The following TENT5D variants were observed in gnomAD, a reference collection of about 807,000 sequenced individuals.
TENT5D encodes cancer/testis antigen 112.
For missense variants in TENT5D, 191 were observed against 287.0 expected, an observed-to-expected ratio of 0.67 and a Z score of 2.42; for synonymous variants, 103 against 100.6, an observed-to-expected ratio of 1.02 and a Z score of -0.15.
At chrX:80,356,092 A>G (rs910007733) in intron 3 of TENT5D, among the ~76,000 whole-genome samples, 1 of 112,007 alleles carries the variant, frequency 8.9e-6, no homozygotes, top group Non-Finnish European at 1.9e-5. Flanking sequence ...TTACTTTTTT[A>G]TATTAGAGCT....
chrX:80,368,538 T>A (rs1370067021), intron 3 of TENT5D, among the ~76,000 whole-genome samples: 1 of 111,856 alleles, frequency 8.9e-6, no homozygotes, highest in Non-Finnish European at 1.9e-5. Flanking sequence ...CTCGTAGGTA[T>A]TTGAGAATTA....
intron 3 of TENT5D, among the ~76,000 whole-genome samples, chrX:80,411,209 C>G (rs1478604690): frequency 9.3e-6 from 1 of 107,812 alleles, no homozygotes; most frequent in African/African-American, 3.4e-5. Flanking sequence ...CTAACCTGCA[C>G]AATGTGCACA....
intron 3 of TENT5D, among the ~76,000 whole-genome samples, chrX:80,370,288 T>G (rs1930598685): frequency 9.0e-6 from 1 of 110,964 alleles, no homozygotes; most frequent in South Asian, 3.7e-4. Context: ...ACAGCCAAAT[T>G]GTTTGCATTC....
At chrX:80,432,204 A>G (rs1253277885) in intron 1 of TENT5D, among the ~76,000 whole-genome samples, 1 of 111,624 alleles carries the variant, frequency 9.0e-6, no homozygotes, top group East Asian at 2.8e-4. Context: ...ATAGAAAAAG[A>G]CTGGAAGTCC....
chrX:80,357,851 T>G (rs901933121), intron 3 of TENT5D, among the ~76,000 whole-genome samples: 1 of 111,438 alleles, frequency 9.0e-6, no homozygotes, highest in African/African-American at 3.3e-5. Flanking sequence ...GAGCCTGCAT[T>G]GCCAAGTCAA....
Position 80,408,670 on chromosome X carries a change from G to C in TENT5D, c.-141-29940G>C, listed in dbSNP as rs372386623. On this transcript the variant is annotated intron_variant, in intron 3 of 4. Transcript: ENST00000538312. ...TCACAGCCGAATTCTACCAGAGGTA[G>C]AAGGAGGAACTGGTACCATTCCTTC... Among the ~76,000 whole-genome samples, 267 of 110,402 alleles carry C rather than the reference G, an allele frequency of 2.4e-3. 5 individuals are homozygous for C. Among genetic ancestry groups the C allele is most frequent in the Non-Finnish European group, 2.8e-3 (145 of 52,681 alleles).
At chrX:80,376,594 T>C (rs1261321703) in intron 3 of TENT5D, among the ~76,000 whole-genome samples, 1 of 111,654 alleles carries the variant, frequency 9.0e-6, no homozygotes, top group Non-Finnish European at 1.9e-5. Flanking sequence ...TCTCTATTGT[T>C]CATGTGCTGA....
intron 3 of TENT5D, among the ~76,000 whole-genome samples, chrX:80,382,176 C>A (rs1188604652): frequency 8.9e-6 from 1 of 111,906 alleles, no homozygotes; most frequent in African/African-American, 3.3e-5. Context: ...GATGCTATTC[C>A]TTTCTGTTTG....
intron 3 of TENT5D, among the ~76,000 whole-genome samples, chrX:80,411,855 G>A (rs1282088836): frequency 9.0e-6 from 1 of 111,408 alleles, no homozygotes; most frequent in Non-Finnish European, 1.9e-5. Context: ...CGAGGCACAT[G>A]GTGCAAACTG....
At chrX:80,415,825 C>G (rs1931761214), upstream of TENT5D, among the ~76,000 whole-genome samples, 2 of 111,816 alleles carry the variant, frequency 1.8e-5, no homozygotes, top group Non-Finnish European at 3.8e-5. Context: ...AGTTAGGGAA[C>G]AGCACCTCCT....
At chrX:80,411,418 A>G (rs576729251) in intron 3 of TENT5D, among the ~76,000 whole-genome samples, 2 of 111,762 alleles carry the variant, frequency 1.8e-5, no homozygotes, top group Admixed American at 9.4e-5. Flanking sequence ...TTTATCCTAG[A>G]CATTCGTCTT....
At chrX:80,384,655 T>A (rs748765674) in intron 3 of TENT5D, among the ~76,000 whole-genome samples, 1 of 101,676 alleles carries the variant, frequency 9.8e-6, no homozygotes, top group Admixed American at 1.1e-4. Context: ...GCATATGACA[T>A]GATTGTATAT....
chrX:80,397,062 T>G (rs2147542423), intron 3 of TENT5D, among the ~76,000 whole-genome samples: 1 of 84,861 alleles, frequency 1.2e-5, no homozygotes, highest in South Asian at 7.0e-4. Context: ...ACGGGGTGGC[T>G]GCCGGGCGGA....
intron 3 of TENT5D, among the ~76,000 whole-genome samples, chrX:80,373,858 C>T (rs765851261): frequency 9.0e-6 from 1 of 111,245 alleles, no homozygotes; most frequent in South Asian, 3.8e-4. Flanking sequence ...CTTTTAAGTT[C>T]AGGGGTACAT....
intron 2 of TENT5D, among the ~76,000 whole-genome samples, chrX:80,341,065 A>C (rs1431335674): frequency 8.9e-6 from 1 of 111,760 alleles, no homozygotes; most frequent in African/African-American, 3.3e-5. Context: ...TATGAATCCA[A>C]TACTTTGAAG....
intron 3 of TENT5D, among the ~76,000 whole-genome samples, chrX:80,405,412 C>T (rs1331962923): frequency 3.6e-5 from 4 of 112,397 alleles, no homozygotes; most frequent in African/African-American, 1.3e-4. Context: ...GTGCGCGAGC[C>T]GAAGCAGGGC....
intron 3 of TENT5D, among the ~76,000 whole-genome samples, chrX:80,385,528 T>C (rs370303045): frequency 8.9e-6 from 1 of 111,846 alleles, no homozygotes; most frequent in Non-Finnish European, 1.9e-5. Context: ...ACTTCATGTC[T>C]AAAACACCAA....
At chrX:80,421,951 GA>G (rs1931892996) in intron 1 of TENT5D, among the ~76,000 whole-genome samples, 1 of 111,040 alleles carries the variant, frequency 9.0e-6, no homozygotes, top group South Asian at 3.8e-4. Context: ...CGGGGGGTGG[GA>G]AAAAAAGTGG....
chrX:80,408,006 A>C (rs1174151784), intron 3 of TENT5D, among the ~76,000 whole-genome samples: 1 of 109,967 alleles, frequency 9.1e-6, no homozygotes, highest in African/African-American at 3.3e-5. Context: ...TGACTACTGG[A>C]TACATAACGA....
Sources: allele counts gnomAD v4.1 joint callset (sites outside exome capture counted in the v4.1 genomes callset), GRCh38; gene constraint gnomAD v4.1.1; transcripts MANE v1.5; gene names NCBI Gene and HGNC (gene_info 2026-07-23, HGNC 2026-07-21).